DECR1: variants seen among roughly 807,000 people sequenced by gnomAD.
DECR1 encodes the protein 2,4-dienoyl-CoA reductase [(3E)-enoyl-CoA-producing], mitochondrial.
In DECR1, 44 loss-of-function variants were observed where a neutral mutation model predicts 38.8. That is an observed-to-expected ratio of 1.13 (90% CI 0.89 to 1.46). The LOEUF (loss-of-function observed/expected upper bound fraction) is 1.46, where lower values mean the gene tolerates loss of function less well. DECR1 is among the 40% of genes most tolerant of loss of function. The pLI is 0.00. For synonymous variants in DECR1, 148 were observed against 135.2 expected (o/e 1.09, Z -0.66); for missense variants, 428 against 405.5 (o/e 1.06, Z -0.48).
chr8:90,012,069 G>C lies in DECR1; in HGVS notation c.70-5055G>C, dbSNP rs147964097. Among the ~76,000 whole-genome samples the C allele has an allele frequency of 9.6e-3, 1,454 of 152,014 alleles. 26 individuals carry two copies. The highest frequency in any genetic ancestry group is 0.034 in the African/African-American group (1,404 of 41,486). On this transcript the variant is annotated intron_variant, in intron 1 of 9. Transcript: ENST00000220764. ...CGTATATTTGTTTTTTGTTTGTGTGGAGTACCTTTCTAAGCCCTTTGCTTA... is the reference window on the plus strand; with the variant it reads ...CGTATATTTGTTTTTTGTTTGTGTGCAGTACCTTTCTAAGCCCTTTGCTTA...
chr8:90,010,482 G>A (rs546747511), intron 1 of DECR1, among the ~76,000 whole-genome samples: 4 of 152,276 alleles, frequency 2.6e-5, no homozygotes, highest in South Asian at 2.1e-4. Flanking sequence ...TCTAGCAATC[G>A]GACAAAATAA....
At chr8:90,010,471 T>C (rs1225502506) in intron 1 of DECR1, among the ~76,000 whole-genome samples, 2 of 152,224 alleles carry the variant, frequency 1.3e-5, no homozygotes, top group Non-Finnish European at 1.5e-5. Context: ...ACGCATGGCC[T>C]TCTAGCAATC....
intron 8 of DECR1, among the ~76,000 whole-genome samples, chr8:90,049,255 A>G (rs529258421): frequency 6.6e-6 from 1 of 152,220 alleles, no homozygotes; most frequent in East Asian, 1.9e-4. Context: ...TTTGCAGATG[A>G]CATGATTGTA....
At chr8:90,014,237 T>C (rs1181466756) in intron 1 of DECR1, among the ~76,000 whole-genome samples, 1 of 152,218 alleles carries the variant, frequency 6.6e-6, no homozygotes, top group Non-Finnish European at 1.5e-5. Flanking sequence ...CTACTTTTTA[T>C]AATTCAAAAA....
intron 1 of DECR1, among the ~76,000 whole-genome samples, chr8:90,010,032 G>A (rs945972528): frequency 2.0e-5 from 3 of 152,212 alleles, no homozygotes; most frequent in Non-Finnish European, 4.4e-5. Flanking sequence ...GCATAATTCA[G>A]CTTAGCCATT....
chr8:90,026,715 T>C (rs879893772), intron 5 of DECR1, among the ~76,000 whole-genome samples: 3 of 152,222 alleles, frequency 2.0e-5, no homozygotes, highest in African/African-American at 7.2e-5. Context: ...TTTGTGTTTC[T>C]ATCTCCTTCA....
intron 1 of DECR1, among the ~76,000 whole-genome samples, chr8:90,001,943 G>T (rs1207779579): frequency 2.0e-5 from 3 of 151,774 alleles, no homozygotes. Context: ...TGGGGCTCAG[G>T]GAGCTAGGAC....
chr8:90,045,141 T>A (rs1813860613), intron 8 of DECR1, 146 bp downstream of exon 8: 2 of 613,352 alleles, frequency 3.3e-6, no homozygotes, highest in Non-Finnish European at 2.6e-6. Context: ...ATATTATATA[T>A]ATTGTTTAGC....
At chr8:90,047,878 A>G (rs575986594) in intron 8 of DECR1, among the ~76,000 whole-genome samples, 143 of 152,324 alleles carry the variant, frequency 9.4e-4, no homozygotes, top group African/African-American at 3.2e-3. Context: ...GGTTTAAGAA[A>G]CTCACTCAAA....
chr8:90,045,493 C>A (rs1252295024), intron 8 of DECR1, among the ~76,000 whole-genome samples: 5 of 152,146 alleles, frequency 3.3e-5, no homozygotes, highest in African/African-American at 1.2e-4. Context: ...GGGTGTCCGC[C>A]AGTGCTGGGG....
Position 90,010,234 on chromosome 8 carries a change from G to A in DECR1, c.70-6890G>A, listed in dbSNP as rs116680935. Among the ~76,000 whole-genome samples, 759 of 152,322 alleles carry A rather than the reference G, an allele frequency of 5.0e-3. 9 individuals carry two copies. The highest frequency in any genetic ancestry group is 0.017 in the African/African-American group (693 of 41,570). ...ACAGTCATGGAGCATGAGTTAACGA[G>A]GCCTGTGGCAAGCTTTTGGTGTGGT... is the stretch of plus-strand genomic sequence containing the variant. On this transcript the variant is annotated intron_variant, in intron 1 of 9. Coordinates refer to ENST00000220764, the MANE Select transcript of DECR1 (RefSeq NM_001359.2).
chr8:90,052,361 T>C lies in DECR1; in HGVS notation c.*464T>C, dbSNP rs768915818. Among the ~76,000 whole-genome samples, 3 of 152,216 alleles carry C rather than the reference T, an allele frequency of 2.0e-5. No individual in the cohort carries two copies. The highest frequency in any genetic ancestry group is 4.4e-5 in the Non-Finnish European group (3 of 68,034). ...TTCTTTTCACTGGACTTGTGAATTA[T>C]CTTCTTTGGGTAACTCAGTATTAAC... On this transcript the variant is annotated 3_prime_UTR_variant, in exon 10 of 10. Coordinates refer to ENST00000220764, the MANE Select transcript of DECR1 (RefSeq NM_001359.2).
At chr8:90,047,844 A>G (rs1677100983) in intron 8 of DECR1, among the ~76,000 whole-genome samples, 1 of 152,264 alleles carries the variant, frequency 6.6e-6, no homozygotes, top group African/African-American at 2.4e-5. Context: ...CTCTCAGACC[A>G]CAGTGCAATC....
chr8:90,021,203 A>G, intron 5 of DECR1, 147 bp downstream of exon 5: 1 of 565,944 alleles, frequency 1.8e-6, no homozygotes, highest in Non-Finnish European at 2.7e-6. Flanking sequence ...TTAAATAATT[A>G]TCATATGTTA....
intron 1 of DECR1, among the ~76,000 whole-genome samples, chr8:90,008,807 G>A (rs534976109): frequency 6.6e-6 from 1 of 152,280 alleles, no homozygotes; most frequent in East Asian, 1.9e-4. Flanking sequence ...TGGACCAGGC[G>A]ATATTAGGTA....
intron 4 of DECR1, among the ~76,000 whole-genome samples, chr8:90,019,944 G>T (rs1415571273): frequency 1.3e-5 from 2 of 152,162 alleles, no homozygotes; most frequent in Non-Finnish European, 2.9e-5. Context: ...AGTTATCCAA[G>T]AGTACAGCAT....
chr8:90,052,029 A>G lies in DECR1; in HGVS notation c.*132A>G. 4.0e-6 allele frequency: 3 copies of G among 742,672 alleles called. No individual in the cohort carries two copies. The highest frequency in any genetic ancestry group is 3.6e-5 in the South Asian group (2 of 56,034). The allele number at this position is 742,672 out of a possible 1,614,324, so 46.0% of individuals were successfully genotyped here. A position where few individuals can be genotyped will look rare whatever the true frequency, so the allele number is the denominator to read the frequency against. On this transcript the variant is annotated 3_prime_UTR_variant, in exon 10 of 10. Transcript: ENST00000220764. ...ATTCATTGAATATGTATTATGTGCC[A>G]GGCCAGTGATAGCCATTGTATATTC...
At chr8:90,021,879 A>G (rs966877618) in intron 5 of DECR1, among the ~76,000 whole-genome samples, 2 of 152,240 alleles carry the variant, frequency 1.3e-5, no homozygotes, top group Non-Finnish European at 2.9e-5. Context: ...TGTTAGTATT[A>G]TGAATGAATT....
intron 7 of DECR1, among the ~76,000 whole-genome samples, chr8:90,043,439 A>G (rs1813813260): frequency 6.6e-6 from 1 of 152,196 alleles, no homozygotes; most frequent in Non-Finnish European, 1.5e-5. Flanking sequence ...CAGAATATCC[A>G]CACCTTCTCT....
Sources: gnomAD v4.1 joint callset for allele counts (sites outside exome capture counted in the v4.1 genomes callset) on GRCh38, gnomAD v4.1.1 for gene constraint, MANE v1.5 for transcripts, NCBI Gene and HGNC (gene_info 2026-07-23, HGNC 2026-07-21) for gene names.